SH3RF3: variants seen among roughly 807,000 people sequenced by gnomAD.
SH3RF3 encodes the protein E3 ubiquitin-protein ligase SH3RF3.
In SH3RF3, 29 loss-of-function variants were observed where a neutral mutation model predicts 66.3. The ratio of observed to expected loss-of-function variants is 0.44; its 90% CI spans 0.33 to 0.60. The LOEUF (loss-of-function observed/expected upper bound fraction) is 0.60. SH3RF3 is among the 20% of genes least tolerant of loss of function. The pLI is 0.04. For missense variants in SH3RF3, 1,194 were observed against 1,190.9 expected (o/e 1.00, Z -0.04); for synonymous variants, 583 against 532.0 (o/e 1.10, Z -1.32).
At chr2:109,428,601 G>A (rs558795547) in intron 5 of SH3RF3, among the ~76,000 whole-genome samples, 1 of 152,334 alleles carries the variant, frequency 6.6e-6, no homozygotes, top group East Asian at 1.9e-4. Context: ...CCCTCAAGAG[G>A]CGCTTTTTCT....
At chr2:109,238,452 TGTGTGTGTG>T (rs1679700137) in intron 1 of SH3RF3, among the ~76,000 whole-genome samples, 2 of 956 alleles carry the variant, frequency 2.1e-3, no homozygotes, top group Non-Finnish European at 4.7e-3. Flanking sequence ...TGTATATTTG[TGTGTGTGTG>T]TGTGTGTGTG....
intron 1 of SH3RF3, among the ~76,000 whole-genome samples, chr2:109,143,656 A>C (rs912215887): frequency 6.6e-6 from 1 of 152,156 alleles, no homozygotes. Flanking sequence ...TAAGAGGCTG[A>C]GGTAGGAGGA....
At chr2:109,469,458 G>A (rs903298095) in intron 8 of SH3RF3, among the ~76,000 whole-genome samples, 1 of 152,220 alleles carries the variant, frequency 6.6e-6, no homozygotes, top group Non-Finnish European at 1.5e-5. Context: ...TGACAGTAAT[G>A]CCTGTTGTGC....
At chr2:109,171,661 G>A (rs1012422696) in intron 1 of SH3RF3, among the ~76,000 whole-genome samples, 3 of 152,224 alleles carry the variant, frequency 2.0e-5, no homozygotes, top group Admixed American at 6.5e-5. Context: ...AGGGCTCCAG[G>A]GCTGTTTAGT....
chr2:109,410,481 G>C (rs796707886), intron 4 of SH3RF3, among the ~76,000 whole-genome samples: 2 of 152,342 alleles, frequency 1.3e-5, no homozygotes, highest in African/African-American at 4.8e-5. Flanking sequence ...CTGTTTGCTT[G>C]TGCTAAGTTC....
At chr2:109,347,312 C>T (rs1217509379) in intron 1 of SH3RF3, among the ~76,000 whole-genome samples, 1 of 152,146 alleles carries the variant, frequency 6.6e-6, no homozygotes, top group Non-Finnish European at 1.5e-5. Flanking sequence ...TAGGTGTGGG[C>T]CTTAGGAAAG....
intron 1 of SH3RF3, among the ~76,000 whole-genome samples, chr2:109,333,185 A>G (rs1682329005): frequency 1.3e-5 from 2 of 152,220 alleles, no homozygotes; most frequent in African/African-American, 2.4e-5. Context: ...GCACCTCGGA[A>G]AGGCATGATG....
intron 5 of SH3RF3, among the ~76,000 whole-genome samples, chr2:109,420,113 C>A (rs890937948): frequency 1.3e-5 from 2 of 152,194 alleles, no homozygotes; most frequent in African/African-American, 4.8e-5. Context: ...CATCTCATCC[C>A]CAAATATAAC....
At chr2:109,325,835 A>AC (rs1265046108) in intron 1 of SH3RF3, among the ~76,000 whole-genome samples, 3 of 152,336 alleles carry the variant, frequency 2.0e-5, no homozygotes, top group Admixed American at 6.5e-5. Flanking sequence ...CCGAGCAGGG[A>AC]CCACACCTCC....
Position 109,233,617 on chromosome 2 carries a change from G to A in SH3RF3, c.573+103504G>A, listed in dbSNP as rs149581309. 2.7e-3 allele frequency among the ~76,000 whole-genome samples: 404 copies of A among 152,304 alleles called. 2 individuals carry two copies. Among genetic ancestry groups the A allele is most frequent in the African/African-American group, 4.6e-3 (190 of 41,548 alleles). On this transcript the variant is annotated intron_variant, in intron 1 of 9. Transcript: ENST00000309415. ...CAGGCTTGAGGGTGGGGCCTTTGCC[G>A]GGGAACCACCCTCTTCTACCCAGTA...
At position 109,272,418 on chromosome 2, in the gene SH3RF3, G is replaced by A. The variant is rs190747600; in HGVS notation, c.574-75256G>A. 5.9e-4 allele frequency among the ~76,000 whole-genome samples: 90 copies of A among 152,374 alleles called. 1 individual carries two copies. The highest frequency in any genetic ancestry group is 1.8e-3 in the African/African-American group (74 of 41,588). On this transcript the variant is annotated intron_variant, in intron 1 of 9. Transcript: ENST00000309415. Reference sequence around the variant, plus strand: ...CATGAGGGCAAGCACGAAGCCAGCTGTCTGCACAGACCCACCAGCATCCCG... The same window carrying A: ...CATGAGGGCAAGCACGAAGCCAGCTATCTGCACAGACCCACCAGCATCCCG...
chr2:109,181,082 C>T (rs185771694), intron 1 of SH3RF3, among the ~76,000 whole-genome samples: 63 of 152,322 alleles, frequency 4.1e-4, no homozygotes, highest in African/African-American at 1.5e-3. Flanking sequence ...GACCCTCCGT[C>T]AGCATGAGCA....
At chr2:109,319,209 C>T (rs1360206603) in intron 1 of SH3RF3, among the ~76,000 whole-genome samples, 1 of 152,206 alleles carries the variant, frequency 6.6e-6, no homozygotes, top group Non-Finnish European at 1.5e-5. Flanking sequence ...CAGATAGTGA[C>T]AGTGGCATCG....
chr2:109,196,334 G>A (rs4467303), intron 1 of SH3RF3, among the ~76,000 whole-genome samples: 40,061 of 152,126 alleles, frequency 0.26, 5,647 homozygotes, highest in East Asian at 0.47. Context: ...CCAAGGCCTG[G>A]CGTTGGGCTG....
In SH3RF3 at chr2:109,479,865, C is replaced by T. The variant is rs1678789044; in HGVS notation, c.2149-10740C>T. 2.6e-5 allele frequency among the ~76,000 whole-genome samples: 4 copies of T among 152,272 alleles called. No homozygotes were observed. In the South Asian group the frequency reaches 8.3e-4, roughly 32 times the overall value. ...CGGGACTCACTGCCCTCAGAGCCTT[C>T]ATACGGCAGCACCTAACCCACCTGC... On this transcript the variant is annotated intron_variant, in intron 8 of 9. Coordinates refer to ENST00000309415, the MANE Select transcript of SH3RF3 (RefSeq NM_001099289.3).
Position 109,319,597 on chromosome 2 carries a change from G to A in SH3RF3, c.574-28077G>A, listed in dbSNP as rs1015620222. On this transcript the variant is annotated intron_variant, in intron 1 of 9. Coordinates refer to ENST00000309415, the MANE Select transcript of SH3RF3 (RefSeq NM_001099289.3). ...AGTGGGGCTCGTTCCAGAACAGAAA[G>A]CCCCACACTCCCCCATCTTCTCTTA... is the stretch of plus-strand genomic sequence containing the variant. Among the ~76,000 whole-genome samples, 4 of 152,350 alleles carry A rather than the reference G, an allele frequency of 2.6e-5. No individual in the cohort carries two copies. In the South Asian group the frequency reaches 8.3e-4, roughly 32 times the overall value.
intron 1 of SH3RF3, among the ~76,000 whole-genome samples, chr2:109,238,860 C>T (rs1371398658): frequency 6.6e-6 from 1 of 152,152 alleles, no homozygotes; most frequent in African/African-American, 2.4e-5. Context: ...GCAGTCCCTT[C>T]TCTCTGTCCC....
chr2:109,229,197 A>C (rs1679442011), intron 1 of SH3RF3, among the ~76,000 whole-genome samples: 1 of 152,164 alleles, frequency 6.6e-6, no homozygotes, highest in African/African-American at 2.4e-5. Context: ...CCAAATATGT[A>C]TTTTTATTAT....
At position 109,246,378 on chromosome 2, in the gene SH3RF3, G is replaced by A. The variant is rs141737161; in HGVS notation, c.574-101296G>A. ...GGTAGAGGGGGCAAGGCAACTCTCC[G>A]AGGCCTCTTTAGTAAGACACTAATC... is the stretch of plus-strand genomic sequence containing the variant. On this transcript the variant is annotated intron_variant, in intron 1 of 9. Transcript: ENST00000309415. 7.3e-3 allele frequency among the ~76,000 whole-genome samples: 1,112 copies of A among 152,270 alleles called. 8 individuals are homozygous for A. Among genetic ancestry groups the A allele is most frequent in the South Asian group, 0.024 (114 of 4,826 alleles).
Sources: allele counts gnomAD v4.1 joint callset (sites outside exome capture counted in the v4.1 genomes callset), GRCh38; gene constraint gnomAD v4.1.1; transcripts MANE v1.5; gene names NCBI Gene and HGNC (gene_info 2026-07-23, HGNC 2026-07-21).